The following SCHIP1 variants were observed in gnomAD, a reference collection of about 807,000 sequenced individuals.
SCHIP1 encodes schwannomin-interacting protein 1.
SCHIP1 carries 8 observed loss-of-function variants against 29.7 expected under a neutral mutation model. That is an observed-to-expected ratio of 0.27 (90% CI 0.16 to 0.49). The LOEUF (loss-of-function observed/expected upper bound fraction) is 0.49. SCHIP1 is among the 20% of genes least tolerant of loss of function. The probability of loss-of-function intolerance (pLI) is 0.99; values close to 1 mark genes in which losing one functional copy is unlikely to be tolerated. For missense variants in SCHIP1, 193 were observed against 294.6 expected (o/e 0.66, Z 2.52); for synonymous variants, 76 against 94.9 (o/e 0.80, Z 1.16).
At chr3:159,520,096 TAA>T in the SCHIP1 span, among the ~76,000 whole-genome samples, 947 of 82,878 alleles carry the variant, frequency 0.011, 15 homozygotes, top group Admixed American at 0.074. Context: ...CCTCATCAAA[TAA>T]AAAAAAAAAA....
At chr3:159,415,901 A>C in the SCHIP1 span, among the ~76,000 whole-genome samples, 1 of 152,218 alleles carries the variant, frequency 6.6e-6, no homozygotes, top group Admixed American at 6.5e-5. Context: ...TGTTATAGAA[A>C]AGAAAGAACA....
chr3:159,711,788 T>C, the SCHIP1 span, among the ~76,000 whole-genome samples: 1 of 152,206 alleles, frequency 6.6e-6, no homozygotes, highest in Admixed American at 6.5e-5. Flanking sequence ...GCTTACTATG[T>C]GTTGAGGCCA....
the SCHIP1 span, chr3:159,274,436 T>A: frequency 6.9e-6 from 6 of 873,620 alleles, no homozygotes; most frequent in African/African-American, 1.1e-4. Context: ...GGCAGCTTAT[T>A]ATAAGTAGAA....
At chr3:159,532,264 G>A in the SCHIP1 span, among the ~76,000 whole-genome samples, 12 of 152,060 alleles carry the variant, frequency 7.9e-5, no homozygotes, top group South Asian at 4.2e-4. Context: ...TATAAAAATG[G>A]TAAACAATGT....
chr3:159,343,552 G>A, the SCHIP1 span, among the ~76,000 whole-genome samples: 1 of 152,114 alleles, frequency 6.6e-6, no homozygotes, highest in Non-Finnish European at 1.5e-5. Flanking sequence ...TTCTTTTGAT[G>A]GCAAATCACA....
chr3:159,535,108 A>G, the SCHIP1 span, among the ~76,000 whole-genome samples: 3 of 152,194 alleles, frequency 2.0e-5, no homozygotes, highest in Admixed American at 6.5e-5. Context: ...ACCAGGATTC[A>G]TAGCTGAAAC....
upstream of SCHIP1, among the ~76,000 whole-genome samples, chr3:159,836,663 G>A (rs1233358734): frequency 6.6e-6 from 1 of 152,020 alleles, no homozygotes; most frequent in Non-Finnish European, 1.5e-5. Flanking sequence ...GATCTCTTGA[G>A]GTCCCATCTA....
the SCHIP1 span, among the ~76,000 whole-genome samples, chr3:159,728,524 A>G: frequency 4.6e-5 from 7 of 152,186 alleles, no homozygotes; most frequent in Admixed American, 2.6e-4. Flanking sequence ...TCCTGGCATC[A>G]GCTGTCTTAT....
At chr3:159,857,566 C>T (rs1713534469) in intron 1 of SCHIP1, among the ~76,000 whole-genome samples, 1 of 152,028 alleles carries the variant, frequency 6.6e-6, no homozygotes, top group South Asian at 2.1e-4. Flanking sequence ...AAAAAGAAAC[C>T]CCGTACCCAT....
the SCHIP1 span, among the ~76,000 whole-genome samples, chr3:159,418,817 G>A: frequency 1.3e-5 from 2 of 151,988 alleles, no homozygotes; most frequent in African/African-American, 2.4e-5. Flanking sequence ...GGCAGAATCA[G>A]TAACCACCAA....
the SCHIP1 span, among the ~76,000 whole-genome samples, chr3:159,554,960 C>T: frequency 6.6e-6 from 1 of 152,082 alleles, no homozygotes; most frequent in African/African-American, 2.4e-5. Flanking sequence ...AAAAGGAAGA[C>T]ACCCAAAATG....
chr3:159,509,233 T>G, the SCHIP1 span, among the ~76,000 whole-genome samples: 2 of 152,226 alleles, frequency 1.3e-5, no homozygotes, highest in East Asian at 1.9e-4. Flanking sequence ...TGGCCTTCTT[T>G]GTCTCTTTTG....
chr3:159,718,284 G>A, the SCHIP1 span, among the ~76,000 whole-genome samples: 1 of 152,138 alleles, frequency 6.6e-6, no homozygotes, highest in Non-Finnish European at 1.5e-5. Context: ...CATACTGAAT[G>A]GGTAAAAACT....
chr3:159,779,810 A>G, the SCHIP1 span, among the ~76,000 whole-genome samples: 1 of 152,214 alleles, frequency 6.6e-6, no homozygotes, highest in African/African-American at 2.4e-5. Flanking sequence ...TTGTGATAGC[A>G]CTAACTCAAC....
chr3:159,562,992 T>C, the SCHIP1 span, among the ~76,000 whole-genome samples: 1 of 152,230 alleles, frequency 6.6e-6, no homozygotes, highest in Non-Finnish European at 1.5e-5. Flanking sequence ...TTTACCTTTC[T>C]CATGGAAACT....
chr3:159,720,238 G>T, the SCHIP1 span, among the ~76,000 whole-genome samples: 1 of 121,428 alleles, frequency 8.2e-6, no homozygotes, highest in Non-Finnish European at 1.7e-5. Context: ...TGGGGTGGGG[G>T]GAGGGGGGAG....
chr3:159,728,512 G>C, the SCHIP1 span, among the ~76,000 whole-genome samples: 1 of 152,154 alleles, frequency 6.6e-6, no homozygotes, highest in Non-Finnish European at 1.5e-5. Flanking sequence ...TATTAAATTG[G>C]TTCCTGGCAT....
chr3:159,620,817 A>T, the SCHIP1 span, among the ~76,000 whole-genome samples: 1 of 152,336 alleles, frequency 6.6e-6, no homozygotes, highest in Admixed American at 6.5e-5. Context: ...GAGGATCATG[A>T]GCAAAGCCTT....
the SCHIP1 span, among the ~76,000 whole-genome samples, chr3:159,758,984 T>C: frequency 2.0e-5 from 3 of 152,236 alleles, no homozygotes; most frequent in Non-Finnish European, 4.4e-5. Flanking sequence ...GTAGTGTTTG[T>C]CAAGCCAGGT....
Sources: gnomAD v4.1 joint callset for allele counts (sites outside exome capture counted in the v4.1 genomes callset) on GRCh38, gnomAD v4.1.1 for gene constraint, MANE v1.5 for transcripts, NCBI Gene and HGNC (gene_info 2026-07-23, HGNC 2026-07-21) for gene names.